SNTG2: variants seen among roughly 807,000 people sequenced by gnomAD.
The protein encoded by SNTG2 is gamma-2-syntrophin.
Under a neutral mutation model 70.9 loss-of-function variants are expected in SNTG2, and 74 were observed. The observed-to-expected ratio is 1.04, with a 90% CI of 0.86 to 1.27. The LOEUF is 1.27. Ranked by LOEUF, SNTG2 falls within the 50% of genes most tolerant of loss-of-function variation. The probability of loss-of-function intolerance (pLI) is 0.00; values close to 1 mark genes in which losing one functional copy is unlikely to be tolerated. For missense variants in SNTG2, 717 were observed against 690.7 expected (o/e 1.04, Z -0.43); for synonymous variants, 278 against 273.8 (o/e 1.02, Z -0.15).
chr2:1,239,574 G>T (rs1676915636), intron 10 of SNTG2, among the ~76,000 whole-genome samples, 164 bp from the exon 11 acceptor site: 1 of 152,188 alleles, frequency 6.6e-6, no homozygotes, highest in Non-Finnish European at 1.5e-5. Context: ...TTCTACTGCT[G>T]CCATGTTTGT....
chr2:1,185,297 A>G (rs974530854), intron 8 of SNTG2, among the ~76,000 whole-genome samples: 1 of 152,194 alleles, frequency 6.6e-6, no homozygotes, highest in Non-Finnish European at 1.5e-5. Flanking sequence ...TGGGTCTTCC[A>G]GGAACATGGT....
At chr2:992,561 C>T in intron 1 of SNTG2, among the ~76,000 whole-genome samples, 1 of 152,244 alleles carries the variant, frequency 6.6e-6, no homozygotes, top group East Asian at 1.9e-4. Flanking sequence ...TCAACTGACC[C>T]AAATCTACCT....
intron 12 of SNTG2, among the ~76,000 whole-genome samples, chr2:1,256,138 G>T (rs1558603461): frequency 6.6e-6 from 1 of 151,386 alleles, no homozygotes; most frequent in Non-Finnish European, 1.5e-5. Context: ...AAATGTTTCG[G>T]CACCATTACT....
chr2:1,228,662 C>G (rs148384760), intron 9 of SNTG2, among the ~76,000 whole-genome samples: 1 of 152,178 alleles, frequency 6.6e-6, no homozygotes, highest in Non-Finnish European at 1.5e-5. Context: ...TTGCTCCGTT[C>G]GTTGTCAGGT....
Position 1,031,528 on chromosome 2 carries a change from A to ATTTTTTTTTT in SNTG2, c.73-51979_73-51970dup, listed in dbSNP as rs745388505. Among the ~76,000 whole-genome samples, 14 of 59,102 alleles carry ATTTTTTTTTT rather than the reference A, an allele frequency of 2.4e-4. 1 individual carries two copies. The highest frequency in any genetic ancestry group is 5.8e-4 in the South Asian group (1 of 1,732). The allele number at this position is 59,102 out of a possible 152,430, so 38.8% of individuals were successfully genotyped here. A position where few individuals can be genotyped will look rare whatever the true frequency, so the allele number is the denominator to read the frequency against. Reference sequence around the variant, plus strand: ...CATTGTTATATATATATATATATATATTTTTTTTTTTTTTTTTTTTGAGGC... The same window carrying ATTTTTTTTTT: ...CATTGTTATATATATATATATATATATTTTTTTTTTTTTTTTTTTTTTTTTTTTTTGAGGC... On this transcript the variant is annotated intron_variant, in intron 1 of 16. Transcript: ENST00000308624.
chr2:1,177,764 C>T (rs1340238346), intron 8 of SNTG2, among the ~76,000 whole-genome samples: 2 of 152,060 alleles, frequency 1.3e-5, no homozygotes, highest in Non-Finnish European at 2.9e-5. Context: ...GGAAACTAAG[C>T]ATACCCACAT....
intron 1 of SNTG2, among the ~76,000 whole-genome samples, chr2:962,057 G>A (rs1000374374): frequency 9.2e-5 from 14 of 152,212 alleles, no homozygotes; most frequent in African/African-American, 2.9e-4. Flanking sequence ...TCAGTGAAAT[G>A]TGGAAATACT....
chr2:1,304,967 T>C (rs770934599), intron 14 of SNTG2, among the ~76,000 whole-genome samples: 1 of 152,192 alleles, frequency 6.6e-6, no homozygotes. Flanking sequence ...TAAAACTATT[T>C]TATGTTTCGG....
chr2:1,323,159 G>A (rs1035140957), intron 16 of SNTG2, among the ~76,000 whole-genome samples: 3 of 152,220 alleles, frequency 2.0e-5, no homozygotes, highest in African/African-American at 7.2e-5. Context: ...CTAAGGAGAG[G>A]TAGGAAGTGG....
intron 2 of SNTG2, 46 bp from the exon 3 acceptor site, chr2:1,098,150 G>C: frequency 1.3e-6 from 2 of 1,584,436 alleles, no homozygotes; most frequent in Non-Finnish European, 1.7e-6. Flanking sequence ...CTTTCTGATA[G>C]TGCATTTTAA....
rs1380887211 is a variant in SNTG2, at chr2:1,222,049, C to T, written c.719+12819C>T. On this transcript the variant is annotated intron_variant, in intron 9 of 16. Transcript: ENST00000308624. ...TCTGCCTATCTCTGTCTCTCTCTGT[C>T]TCTCTCTGTCTCTGTTTCTCTCTGT... Among the ~76,000 whole-genome samples the T allele has an allele frequency of 2.5e-3, 81 of 32,776 alleles. 26 individuals are homozygous for T. The highest frequency in any genetic ancestry group is 4.1e-3 in the East Asian group (2 of 482). 21.5% of individuals were successfully genotyped at this position (32,776 alleles called of 152,430 possible).
intron 1 of SNTG2, among the ~76,000 whole-genome samples, chr2:980,475 A>C (rs542369907): frequency 1.3e-5 from 2 of 152,236 alleles, no homozygotes; most frequent in Non-Finnish European, 2.9e-5. Context: ...AAAACAATAC[A>C]TTTTGGATGA....
At position 1,137,782 on chromosome 2, in the gene SNTG2, T is replaced by A; in HGVS notation, c.384T>A (p.His128Gln). Reference protein sequence around the residue: ...GDAVLQVNGIHVENATHEEVV... With the variant: ...GDAVLQVNGIQVENATHEEVV... ...CATCTGTTCAGGTTAATGGCATACA[T>A]GTAGAAAATGCAACTCATGAAGAAG... Residue 128 changes from histidine to glutamine, a missense_variant, in exon 6 of 17, where the codon CAT becomes CAA. Coordinates refer to ENST00000308624, the MANE Select transcript of SNTG2 (RefSeq NM_018968.4). The A allele has an allele frequency of 1.2e-6, 2 of 1,613,514 alleles. No homozygotes were observed. Among genetic ancestry groups the A allele is most frequent in the Non-Finnish European group, 1.7e-6 (2 of 1,179,704 alleles).
At chr2:1,196,228 T>TA (rs1672900312) in intron 8 of SNTG2, among the ~76,000 whole-genome samples, 1 of 151,962 alleles carries the variant, frequency 6.6e-6, no homozygotes. Context: ...ATGGATGATA[T>TA]AAAAAATACA....
intron 16 of SNTG2, among the ~76,000 whole-genome samples, chr2:1,321,870 CT>C: frequency 6.8e-6 from 1 of 146,816 alleles, no homozygotes; most frequent in East Asian, 2.6e-4. Context: ...TTCTTTCTTC[CT>C]CCCTCCTTCC....
chr2:1,077,770 C>T (rs1054628002), intron 1 of SNTG2, among the ~76,000 whole-genome samples: 3 of 152,110 alleles, frequency 2.0e-5, no homozygotes, highest in East Asian at 1.9e-4. Flanking sequence ...CTCTCTGGAA[C>T]GAACTTTGTG....
chr2:1,010,704 C>T (rs1304974598), intron 1 of SNTG2, among the ~76,000 whole-genome samples: 1 of 152,194 alleles, frequency 6.6e-6, no homozygotes, highest in Non-Finnish European at 1.5e-5. Context: ...GAAAGCCTGT[C>T]CAAGGCCCTA....
chr2:1,132,454 C>T (rs1222396353), intron 4 of SNTG2, among the ~76,000 whole-genome samples: 6 of 152,274 alleles, frequency 3.9e-5, no homozygotes, highest in Non-Finnish European at 5.9e-5. Context: ...TTCGACACCA[C>T]GCAGACTACT....
At chr2:1,071,394 C>T (rs950099590) in intron 1 of SNTG2, among the ~76,000 whole-genome samples, 11 of 148,944 alleles carry the variant, frequency 7.4e-5, no homozygotes, top group African/African-American at 2.5e-4. Context: ...AGTAAACTAT[C>T]GCAAGAACAA....
Sources: allele counts gnomAD v4.1 joint callset (sites outside exome capture counted in the v4.1 genomes callset), GRCh38; gene constraint gnomAD v4.1.1; transcripts MANE v1.5; gene names NCBI Gene and HGNC (gene_info 2026-07-23, HGNC 2026-07-21).